WASHC4: variants seen among roughly 807,000 people sequenced by gnomAD.
WASHC4 encodes the protein WASH complex subunit 4.
WASHC4 carries 86 observed loss-of-function variants against 166.6 expected under a neutral mutation model. The ratio of observed to expected loss-of-function variants is 0.52; its 90% CI spans 0.43 to 0.62. WASHC4 has a LOEUF of 0.62. WASHC4 is among the 20% of genes least tolerant of loss of function. WASHC4 has a pLI of 0.00. For synonymous variants in WASHC4, 446 were observed against 451.6 expected (o/e 0.99, Z 0.16); for missense variants, 1,262 against 1,382.4 (o/e 0.91, Z 1.38).
chr12:105,125,665 CAT>C (rs1013167748), intron 10 of WASHC4, among the ~76,000 whole-genome samples: 1 of 152,010 alleles, frequency 6.6e-6, no homozygotes, highest in African/African-American at 2.4e-5. Flanking sequence ...AAGCAGAAAA[CAT>C]AAATTCTACT....
intron 28 of WASHC4, among the ~76,000 whole-genome samples, chr12:105,159,760 A>G (rs150585391): frequency 1.4e-3 from 220 of 152,308 alleles, no homozygotes; most frequent in African/African-American, 5.1e-3. Context: ...GAAATACAGA[A>G]CTATTATTTT....
At position 105,168,482 on chromosome 12, in the gene WASHC4, C is replaced by T. The variant is rs931633687; in HGVS notation, c.*1551C>T. 18 of 152,218 alleles carry T rather than the reference C, an allele frequency of 1.2e-4. No homozygotes were observed. The highest frequency in any genetic ancestry group is 2.1e-4 in the Non-Finnish European group (14 of 67,872). The allele number at this position is 152,218 out of a possible 1,614,324, so 9.4% of individuals were successfully genotyped here. On this transcript the variant is annotated 3_prime_UTR_variant, in exon 33 of 33. Transcript: ENST00000332180. ...ATCTTGCATTTGATTATATCAAATT[C>T]GTCATTTCATAGCAACAGTATTGTT...
chr12:105,121,571 G>A (rs986584882), intron 9 of WASHC4, among the ~76,000 whole-genome samples: 1 of 152,156 alleles, frequency 6.6e-6, no homozygotes, highest in Non-Finnish European at 1.5e-5. Flanking sequence ...GCAGTGGCGT[G>A]ATCTCGGCTC....
chr12:105,164,773 T>G (rs774995551), intron 32 of WASHC4, 33 bp downstream of exon 32: 3 of 1,426,838 alleles, frequency 2.1e-6, no homozygotes, highest in Non-Finnish European at 3.0e-6. Flanking sequence ...GAAAGACCAA[T>G]AAATGTCTTT....
intron 24 of WASHC4, chr12:105,147,603 T>C (rs981289173): frequency 3.9e-5 from 39 of 1,006,942 alleles, no homozygotes; most frequent in Non-Finnish European, 4.3e-5. Context: ...ATATTGAATC[T>C]TCTTAGAAAT....
rs1852618701 is a variant in WASHC4, at chr12:105,127,302, A to G, written c.1199+13A>G. The G allele has an allele frequency of 6.5e-7, 1 of 1,535,808 alleles. No homozygotes were observed. The highest frequency in any genetic ancestry group is 1.1e-5 in the South Asian group (1 of 89,364). On this transcript the variant is annotated intron_variant, in intron 13 of 32. Coordinates refer to ENST00000332180, the MANE Select transcript of WASHC4 (RefSeq NM_015275.3). The stretch of plus-strand genomic sequence containing the variant: ...AATCACTTACCAAGTAGGTTTTATA[A>G]ACAAGTATAATGAAAATATTTAGAT...
chr12:105,154,072 C>G (rs1244914762), intron 26 of WASHC4, among the ~76,000 whole-genome samples: 1 of 151,248 alleles, frequency 6.6e-6, no homozygotes, highest in Non-Finnish European at 1.5e-5. Context: ...GCTCTGTCAC[C>G]CAGGCTGGAG....
In WASHC4 at chr12:105,146,520, C is replaced by T. The variant is rs1262625347; in HGVS notation, c.2403C>T (p.Asn801=). 6.3e-7 allele frequency: 1 copy of T among 1,583,958 alleles called. No homozygotes were observed. The highest frequency in any genetic ancestry group is 8.7e-7 in the Non-Finnish European group (1 of 1,155,554). The change falls in exon 23 of 33, where the codon AAC becomes AAT. Residue 801 remains asparagine, a synonymous_variant. Transcript: ENST00000332180. ...TGTCCCGATACCTCTATAATCTCAACAATCAGGTGAGTAGGGTTTATAAAT... is the reference window on the plus strand; with the variant it reads ...TGTCCCGATACCTCTATAATCTCAATAATCAGGTGAGTAGGGTTTATAAAT... The part of the protein sequence containing the change: ...IFVSRYLYNL[N]NQIFIERTSN...
At chr12:105,163,626 CG>C (rs1207953780) in intron 30 of WASHC4, among the ~76,000 whole-genome samples, 2 of 151,970 alleles carry the variant, frequency 1.3e-5, no homozygotes, top group African/African-American at 4.8e-5. Context: ...CTCAGCCTCC[CG>C]AGTAGCTGAG....
At chr12:105,130,940 T>A (rs117694955) in intron 13 of WASHC4, among the ~76,000 whole-genome samples, 1,640 of 152,350 alleles carry the variant, frequency 0.011, 15 homozygotes, top group Middle Eastern at 0.027. Flanking sequence ...TTTGTTTTTT[T>A]ACCTTGGTAT....
At chr12:105,125,932 G>A in intron 10 of WASHC4, 72 bp from the exon 11 acceptor site, 3 of 1,395,858 alleles carry the variant, frequency 2.1e-6, no homozygotes, top group South Asian at 1.2e-5. Flanking sequence ...ACTGTATTTA[G>A]TGTATGATAT....
chr12:105,149,165 G>T, intron 24 of WASHC4: 2 of 985,322 alleles, frequency 2.0e-6, no homozygotes, highest in African/African-American at 3.5e-5. Context: ...ATAGATAATT[G>T]AATATGTGGT....
intron 16 of WASHC4, 117 bp from the exon 17 acceptor site, chr12:105,140,782 A>C: frequency 9.9e-7 from 1 of 1,005,452 alleles, no homozygotes; most frequent in South Asian, 1.4e-5. Context: ...TTAAATGGGG[A>C]AAGTATTTGT....
At chr12:105,135,700 C>T (rs1306217740) in intron 14 of WASHC4, among the ~76,000 whole-genome samples, 1 of 90,408 alleles carries the variant, frequency 1.1e-5, no homozygotes, top group Non-Finnish European at 2.3e-5. Context: ...CTAATCAATT[C>T]ATCTACTGAG....
In WASHC4 at chr12:105,168,157, C is replaced by G. The variant is rs1592929937; in HGVS notation, c.*1226C>G. ...GGATAAATCCTGCAAATACTTCTAA[C>G]ATTATTCTTTGATTCCAGCTTTTAG... On this transcript the variant is annotated 3_prime_UTR_variant, in exon 33 of 33. Transcript: ENST00000332180. The G allele has an allele frequency of 6.6e-6, 1 of 152,136 alleles. No homozygotes were observed. The highest frequency in any genetic ancestry group is 2.4e-5 in the African/African-American group (1 of 41,440). The allele number at this position is 152,136 out of a possible 1,614,324, so 9.4% of individuals were successfully genotyped here.
intron 26 of WASHC4, among the ~76,000 whole-genome samples, chr12:105,155,451 G>C (rs879809472): frequency 6.6e-6 from 1 of 151,022 alleles, no homozygotes; most frequent in Non-Finnish European, 1.5e-5. Context: ...CTAAGTGGCA[G>C]GGCATGCTAT....
At chr12:105,120,128 T>C (rs1880589007) in intron 7 of WASHC4, among the ~76,000 whole-genome samples, 1 of 152,212 alleles carries the variant, frequency 6.6e-6, no homozygotes, top group Non-Finnish European at 1.5e-5. Flanking sequence ...TTGGATAGGA[T>C]AACAAAAATT....
chr12:105,108,655 T>C (rs1879320844), intron 1 of WASHC4, among the ~76,000 whole-genome samples: 1 of 152,194 alleles, frequency 6.6e-6, no homozygotes, highest in Non-Finnish European at 1.5e-5. Flanking sequence ...TTGAAATAAA[T>C]ACAAGTTGGC....
chr12:105,118,038 C>T (rs1880349773), intron 6 of WASHC4, among the ~76,000 whole-genome samples: 1 of 152,176 alleles, frequency 6.6e-6, no homozygotes, highest in Non-Finnish European at 1.5e-5. Context: ...TCTATACTGG[C>T]AGCTTTTGAG....
Sources: allele counts gnomAD v4.1 joint callset (sites outside exome capture counted in the v4.1 genomes callset), GRCh38; gene constraint gnomAD v4.1.1; transcripts MANE v1.5; gene names NCBI Gene and HGNC (gene_info 2026-07-23, HGNC 2026-07-21).